EPG5: variants seen among roughly 807,000 people sequenced by gnomAD.
EPG5 encodes ectopic P granules protein 5 homolog.
In EPG5, 159 loss-of-function variants were observed where a neutral mutation model predicts 302.7. The observed-to-expected ratio is 0.53, with a 90% CI of 0.46 to 0.60. The LOEUF (loss-of-function observed/expected upper bound fraction) is 0.60, where lower values mean the gene tolerates loss of function less well. EPG5 is among the 20% of genes least tolerant of loss of function. The pLI is 0.00. For synonymous variants in EPG5, 1,158 were observed against 1,136.8 expected (o/e 1.02, Z -0.37); for missense variants, 2,896 against 3,092.4 (o/e 0.94, Z 1.51).
chr18:45,936,209 T>A (rs1224127758), intron 10 of EPG5, among the ~76,000 whole-genome samples: 3 of 152,228 alleles, frequency 2.0e-5, no homozygotes, highest in Non-Finnish European at 4.4e-5. Context: ...AATTTACATA[T>A]GACATACTAA....
At chr18:45,952,263 G>T (rs941822140) in intron 3 of EPG5, 137 bp downstream of exon 3, 2 of 979,558 alleles carry the variant, frequency 2.0e-6, no homozygotes, top group East Asian at 2.5e-5. Flanking sequence ...ATCCTACAGT[G>T]GGGGAGGCCT....
chr18:45,897,506 C>A (rs2049505779), intron 27 of EPG5, among the ~76,000 whole-genome samples: 1 of 152,182 alleles, frequency 6.6e-6, no homozygotes, highest in Non-Finnish European at 1.5e-5. Flanking sequence ...TTTATTACTT[C>A]AGCAAGCGAT....
At chr18:45,956,695 A>C (rs2051040990) in intron 1 of EPG5, among the ~76,000 whole-genome samples, 1 of 152,012 alleles carries the variant, frequency 6.6e-6, no homozygotes, top group Admixed American at 6.6e-5. Flanking sequence ...AGCCTCCCAA[A>C]GTGCTGGGAT....
rs201631971 is a variant in EPG5, at chr18:45,901,161, T to A, written c.4481A>T (p.Glu1494Val). ...CTTCCGCAAGTTACTTAAAACCCTT[T>A]CTTTAGCTGAAAGAAAATTAAGTCA... ...LDFTDPLLAK[E>V]RVLSNLRKHE... Residue 1494 changes from glutamate (E) to valine (V), a missense_variant, in exon 26 of 44, where the codon GAA becomes GTA. Glu to Val is a moderately radical substitution (Grantham distance 121). This residue lies in a region of EPG5 where 790 missense variants were observed against 798.0 expected (regional missense o/e 0.99). Coordinates refer to ENST00000282041, the MANE Select transcript of EPG5 (RefSeq NM_020964.3). 3 of 1,613,928 alleles carry A rather than the reference T, an allele frequency of 1.9e-6. No individual in the cohort carries two copies. The highest frequency in any genetic ancestry group is 2.5e-6 in the Non-Finnish European group (3 of 1,179,968).
rs1347055922 is a variant in EPG5, at chr18:45,867,055, C to T, written c.6412-48G>A. 11 of 1,422,606 alleles carry T rather than the reference C, an allele frequency of 7.7e-6. 1 individual carries two copies. In the Admixed American group the frequency reaches 1.9e-4, roughly 25 times the overall value. 88.1% of individuals were successfully genotyped at this position (1,422,606 alleles called of 1,614,324 possible). Reference sequence around the variant, plus strand: ...TTTAGTTCCAGAGCCCCAATTTTTCCAGAAATATGTGTTGCTAACTAGTCT... The same window carrying T: ...TTTAGTTCCAGAGCCCCAATTTTTCTAGAAATATGTGTTGCTAACTAGTCT... On this transcript the variant is annotated intron_variant, in intron 37 of 43. Transcript: ENST00000282041.
intron 1 of EPG5, among the ~76,000 whole-genome samples, chr18:45,957,014 T>C (rs1431944729): frequency 6.6e-6 from 1 of 151,848 alleles, no homozygotes; most frequent in Non-Finnish European, 1.5e-5. Context: ...TAAATAAAGT[T>C]GTTTCATTCA....
the EPG5 span, among the ~76,000 whole-genome samples, chr18:45,824,996 T>TGTCA: frequency 6.6e-6 from 1 of 151,992 alleles, no homozygotes; most frequent in African/African-American, 2.4e-5. Context: ...TAGCAGCAGG[T>TGTCA]GTCAGGTCAC....
rs921765552 is a variant in EPG5, at chr18:45,880,092, G to A, written c.5650C>T (p.Leu1884Phe). 5 of 1,598,220 alleles carry A rather than the reference G, an allele frequency of 3.1e-6. No homozygotes were observed. The highest frequency in any genetic ancestry group is 3.5e-5 in the Admixed American group (2 of 57,460). The change falls in exon 32 of 44, where the codon CTC (leucine) becomes TTC (phenylalanine). Residue 1884 changes from leucine (L) to phenylalanine (F), a missense_variant. This residue lies in a region of EPG5 where 790 missense variants were observed against 798.0 expected (regional missense o/e 0.99). Coordinates refer to ENST00000282041, the MANE Select transcript of EPG5 (RefSeq NM_020964.3). ...GAVLPSSSDA[L>F]LSDKQVMETI... is the part of the protein sequence containing the mutation. ...CTACACACCTGCTTGTCTGACAAGA[G>A]AGCATCAGAAGAGCTGGGAAGCACG...
At chr18:45,884,860 CTTTA>C (rs1248021941) in intron 29 of EPG5, 49 bp from the exon 30 acceptor site, 1 of 1,385,666 alleles carries the variant, frequency 7.2e-7, no homozygotes, top group Non-Finnish European at 9.5e-7. Context: ...CCCTCACAAC[CTTTA>C]TTTAAGCAAG....
At chr18:45,832,737 C>G in the EPG5 span, among the ~76,000 whole-genome samples, 2 of 152,172 alleles carry the variant, frequency 1.3e-5, no homozygotes, top group Non-Finnish European at 2.9e-5. Flanking sequence ...ATCCTCCCTC[C>G]CCTGTCTTAG....
At position 45,963,325 on chromosome 18, in the gene EPG5, G is replaced by C. The variant is rs1218313791; in HGVS notation, c.63+3852C>G. ...TAAAAAGGGATAGGAAGGGGTGTCA[G>C]AGGAAACAACATGGGCAAAGGCCCT... On this transcript the variant is annotated intron_variant, in intron 1 of 43. Coordinates refer to ENST00000282041, the MANE Select transcript of EPG5 (RefSeq NM_020964.3). Among the ~76,000 whole-genome samples the C allele has an allele frequency of 2.0e-5, 3 of 152,206 alleles. No homozygotes were observed. The East Asian group carries it at 5.8e-4, about 29-fold the overall frequency.
intron 10 of EPG5, among the ~76,000 whole-genome samples, chr18:45,937,462 A>G (rs1599612219): frequency 6.6e-6 from 1 of 152,190 alleles, no homozygotes; most frequent in African/African-American, 2.4e-5. Flanking sequence ...GCTGGAGTAC[A>G]GTGGCGCGAT....
intron 42 of EPG5, among the ~76,000 whole-genome samples, chr18:45,857,446 G>C (rs1226278640): frequency 6.6e-6 from 1 of 152,094 alleles, no homozygotes; most frequent in Non-Finnish European, 1.5e-5. Context: ...CGACTTTACA[G>C]TTCACTAGAC....
the EPG5 span, among the ~76,000 whole-genome samples, chr18:45,832,835 C>T: frequency 6.6e-6 from 1 of 152,070 alleles, no homozygotes; most frequent in Admixed American, 6.5e-5. Flanking sequence ...GCATTTTTTT[C>T]CCTGGGCAAA....
chr18:45,942,351 C>T (rs1478013815), intron 9 of EPG5, among the ~76,000 whole-genome samples: 1 of 152,064 alleles, frequency 6.6e-6, no homozygotes, highest in African/African-American at 2.4e-5. Flanking sequence ...ACCTGTAATC[C>T]CAGCACTTTG....
intron 10 of EPG5, among the ~76,000 whole-genome samples, chr18:45,937,555 T>C (rs965219993): frequency 1.3e-5 from 2 of 152,022 alleles, no homozygotes; most frequent in East Asian, 3.9e-4. Flanking sequence ...TACAGGTGCC[T>C]GCCACCACGC....
At chr18:45,845,025 C>A (rs1172852050), downstream of EPG5, among the ~76,000 whole-genome samples, 1 of 152,202 alleles carries the variant, frequency 6.6e-6, no homozygotes, top group East Asian at 1.9e-4. Flanking sequence ...ATTCAGATTT[C>A]CACGACTGTC....
intron 16 of EPG5, among the ~76,000 whole-genome samples, chr18:45,919,757 C>T (rs1460846988): frequency 6.6e-6 from 1 of 152,148 alleles, no homozygotes; most frequent in Non-Finnish European, 1.5e-5. Context: ...CGTGATCCGC[C>T]CGCCTCGGCC....
At chr18:45,898,477 G>A (rs1421005490) in intron 27 of EPG5, among the ~76,000 whole-genome samples, 1 of 152,232 alleles carries the variant, frequency 6.6e-6, no homozygotes, top group African/African-American at 2.4e-5. Flanking sequence ...CCATTGTGAA[G>A]TGCATACCAT....
Sources: gnomAD v4.1 joint callset for allele counts (sites outside exome capture counted in the v4.1 genomes callset) on GRCh38, gnomAD v4.1.1 for gene constraint, gnomAD v4.1.1 regional missense constraint, MANE v1.5 for transcripts, NCBI Gene and HGNC (gene_info 2026-07-23, HGNC 2026-07-21) for gene names.